The following CFAP46 variants were observed in gnomAD, a reference collection of about 807,000 sequenced individuals.
CFAP46 encodes the protein cilia- and flagella-associated protein 46.
A neutral mutation model predicts 325.7 loss-of-function variants in CFAP46; 245 were observed. The ratio of observed to expected loss-of-function variants is 0.75; its 90% confidence interval spans 0.68 to 0.84. The LOEUF (loss-of-function observed/expected upper bound fraction) is 0.84. CFAP46 is among the 40% of genes least tolerant of loss of function. CFAP46 has a pLI of 0.00. For synonymous variants in CFAP46, 1,523 were observed against 1,495.9 expected (o/e 1.02, Z -0.42); for missense variants, 3,346 against 3,543.0 (o/e 0.94, Z 1.41).
At chr10:132,879,313 AG>A in intron 29 of CFAP46, 112 bp downstream of exon 29, 1 of 1,074,822 alleles carries the variant, frequency 9.3e-7, no homozygotes, top group Middle Eastern at 3.1e-4. Flanking sequence ...AAAGGTCTTT[AG>A]GAAATGCTGG....
intron 57 of CFAP46, 133 bp downstream of exon 57, chr10:132,810,276 C>T (rs1731578951): frequency 7.7e-6 from 6 of 777,506 alleles, no homozygotes; most frequent in South Asian, 4.5e-5. Flanking sequence ...TCCTAGTTAA[C>T]GTCTGGAGTC....
chr10:132,934,667 T>G, intron 8 of CFAP46, 85 bp downstream of exon 8: 2 of 964,940 alleles, frequency 2.1e-6, no homozygotes, highest in Non-Finnish European at 3.2e-6. Flanking sequence ...GTTGCTTGTT[T>G]TACATTTTTT....
chr10:132,850,043 ACT>A (rs1042087209), intron 41 of CFAP46, among the ~76,000 whole-genome samples, 199 bp downstream of exon 41: 2 of 152,128 alleles, frequency 1.3e-5, no homozygotes, highest in Admixed American at 6.5e-5. Flanking sequence ...CTCCACAGAC[ACT>A]GTGTTTCCCT....
At chr10:132,862,601 TCTGAGTG>T (rs1005536385) in intron 35 of CFAP46, among the ~76,000 whole-genome samples, 2 of 144,710 alleles carry the variant, frequency 1.4e-5, no homozygotes, top group African/African-American at 5.2e-5. Flanking sequence ...TCGGCGGGGG[TCTGAGTG>T]CTGAGTGCTG....
rs373809847 is a variant in CFAP46, at chr10:132,834,618, G to A, written c.6866+36C>T. 2.9e-5 allele frequency: 46 copies of A among 1,609,270 alleles called. No homozygotes were observed. The African/African-American group carries it at 5.2e-4, about 18-fold the overall frequency. On this transcript the variant is annotated intron_variant, in intron 48 of 57. Transcript: ENST00000368586. ...TGGACACACGTGTCCATGCGTGAGC[G>A]TGGTGGGGTGCCAGCCTCAACGTCA...
chr10:132,916,725 C>T (rs763336822), intron 16 of CFAP46, 43 bp from the exon 17 acceptor site: 38 of 1,414,924 alleles, frequency 2.7e-5, no homozygotes, highest in East Asian at 1.5e-4. Flanking sequence ...GGGCGGAGCA[C>T]GGGCCCAGCA....
At chr10:132,935,762 AC>A in intron 7 of CFAP46, among the ~76,000 whole-genome samples, 1 of 109,684 alleles carries the variant, frequency 9.1e-6, no homozygotes, top group South Asian at 3.4e-4. Context: ...AGCCCTCAGC[AC>A]CCAAACACAC....
Position 132,941,659 on chromosome 10 carries a change from T to C in CFAP46, c.238A>G (p.Thr80Ala). 6.2e-7 allele frequency: 1 copy of C among 1,614,014 alleles called. No individual in the cohort carries two copies. ...QMYFKVKAPI[T>A]QFLGRAHLCR... ...AGGTGCGCTCGGCCCAGAAACTGGG[T>C]GATGGGCGCCTTCACCTTGAAGTAC... The change falls in exon 3 of 58, where the codon ACC becomes GCC. Residue 80 changes from threonine (T) to alanine (A), a missense_variant. Coordinates refer to ENST00000368586, the MANE Select transcript of CFAP46 (RefSeq NM_001200049.3).
chr10:132,877,282 C>T lies in CFAP46; in HGVS notation c.4213-321G>A, dbSNP rs906658834. Among the ~76,000 whole-genome samples the T allele has an allele frequency of 3.3e-5, 5 of 152,070 alleles. No homozygotes were observed. The highest frequency in any genetic ancestry group is 9.7e-5 in the African/African-American group (4 of 41,422). ...GCTGGCTGGTGAGCTCAGCAGTGCT[C>T]GTGCTGGGGTCCGGGTGTGAGCGTC... On this transcript the variant is annotated intron_variant, in intron 30 of 57. Transcript: ENST00000368586. The surrounding 1 kb of genome is among the most constrained non-coding windows in gnomAD (Gnocchi z 5.7).
At chr10:132,821,241 TG>T (rs1847811368) in intron 50 of CFAP46, among the ~76,000 whole-genome samples, 1 of 110,134 alleles carries the variant, frequency 9.1e-6, no homozygotes, top group Non-Finnish European at 1.9e-5. Flanking sequence ...TGATGTGTGC[TG>T]TGTGTGTGCT....
At chr10:132,937,106 AGGTTCAGAT>A in intron 6 of CFAP46, 51 bp from the exon 7 acceptor site, 1 of 1,081,644 alleles carries the variant, frequency 9.2e-7, no homozygotes, top group Non-Finnish European at 1.3e-6. Context: ...AATTCGGTAG[AGGTTCAGAT>A]TTTGTGTCTA....
rs890721222 is a variant in CFAP46, at chr10:132,828,272, T to G, written c.7117+5086A>C. Among the ~76,000 whole-genome samples, 4 of 152,232 alleles carry G rather than the reference T, an allele frequency of 2.6e-5. No homozygotes were observed. Among genetic ancestry groups the G allele is most frequent in the Non-Finnish European group, 4.4e-5 (3 of 68,044 alleles). ...GGCCTGCTTTAACTTCTTAAGAAAC[T>G]GCCAAACTGTCTTCCAAAGTGGCTC... On this transcript the variant is annotated intron_variant, in intron 50 of 57. Coordinates refer to ENST00000368586, the MANE Select transcript of CFAP46 (RefSeq NM_001200049.3). This position sits in a 1 kb window ranked among gnomAD's most constrained non-coding sequence, Gnocchi z 4.9.
chr10:132,908,440 A>T (rs1178000629), intron 22 of CFAP46, 28 bp downstream of exon 22: 8 of 1,549,902 alleles, frequency 5.2e-6, no homozygotes, highest in Non-Finnish European at 4.4e-6. Context: ...GTTTTGAGGG[A>T]ATTTGTCCAG....
chr10:132,936,977 T>C lies in CFAP46; in HGVS notation c.739A>G (p.Ile247Val). The change falls in exon 7 of 58, where the codon ATT becomes GTT. Residue 247 changes from isoleucine (I) to valine (V), a missense_variant. Ile to Val is a conservative substitution (Grantham distance 29). Transcript: ENST00000368586. ...ACGACTTACGCCTTTAGCATATTAA[T>C]ATAGAAAGTGACTGACAGGCTAATG... is the stretch of plus-strand genomic sequence containing the variant. Reference protein sequence around the residue: ...NSISLSVTFYINMLKAKAEQN... With the variant: ...NSISLSVTFYVNMLKAKAEQN... 10 of 1,545,134 alleles carry C rather than the reference T, an allele frequency of 6.5e-6. No homozygotes were observed. Among genetic ancestry groups the C allele is most frequent in the Non-Finnish European group, 8.8e-6 (10 of 1,136,606 alleles).
intron 24 of CFAP46, chr10:132,898,593 T>G (rs981127372): frequency 2.8e-6 from 1 of 352,666 alleles, no homozygotes; most frequent in Non-Finnish European, 5.5e-6. Flanking sequence ...CTCTGCTTGC[T>G]GTTCTCAGGG....
chr10:132,834,602 G>A (rs918357073), intron 48 of CFAP46, 52 bp downstream of exon 48: 23 of 1,600,362 alleles, frequency 1.4e-5, no homozygotes, highest in African/African-American at 1.1e-4. Context: ...CTGGACACAC[G>A]TGTCCATGCG....
chr10:132,847,849 T>C lies in CFAP46; in HGVS notation c.5953-528A>G, dbSNP rs111566722. Among the ~76,000 whole-genome samples the C allele has an allele frequency of 7.7e-4, 117 of 152,214 alleles. No homozygotes were observed. The highest frequency in any genetic ancestry group is 1.3e-3 in the Non-Finnish European group (90 of 68,016). On this transcript the variant is annotated intron_variant, in intron 41 of 57. Transcript: ENST00000368586. This position sits in a 1 kb window ranked among gnomAD's most constrained non-coding sequence, Gnocchi z 5.2. ...GGTATCGCAGCACCAAATCTATATA[T>C]GCACCCAATGATCAGGCGTCAAAAT...
chr10:132,941,038 G>A lies in CFAP46; in HGVS notation c.329C>T (p.Thr110Ile), dbSNP rs777081515. ...AAAGTTTATGGCCTTCATGTACTCA[G>A]TCACGCAATTTTCAAATTCCTCCTA... ...ENLEEFENCVTEYMKAINFAK... is the reference protein window; with the variant it reads ...ENLEEFENCVIEYMKAINFAK... Residue 110 changes from threonine (T) to isoleucine (I), a missense_variant, in exon 4 of 58, where the codon ACT becomes ATT. Physicochemically the swap from Thr to Ile is moderately conservative, Grantham distance 89. Coordinates refer to ENST00000368586, the MANE Select transcript of CFAP46 (RefSeq NM_001200049.3). The A allele has an allele frequency of 2.5e-6, 4 of 1,614,022 alleles. No individual in the cohort carries two copies. Among genetic ancestry groups the A allele is most frequent in the Non-Finnish European group, 3.4e-6 (4 of 1,180,034 alleles).
At chr10:132,927,246 T>C (rs1001980541) in intron 9 of CFAP46, among the ~76,000 whole-genome samples, 3 of 152,202 alleles carry the variant, frequency 2.0e-5, no homozygotes, top group Non-Finnish European at 4.4e-5. Context: ...TCCTAGTCTG[T>C]GAGCGCAGGC....
Sources: allele counts gnomAD v4.1 joint callset (sites outside exome capture counted in the v4.1 genomes callset), GRCh38; gene constraint gnomAD v4.1.1; non-coding constraint Gnocchi (gnomAD v3.1); transcripts MANE v1.5; gene names NCBI Gene and HGNC (gene_info 2026-07-23, HGNC 2026-07-21).